Variants in DOP1B observed in about 807,000 individuals in gnomAD.
DOP1B encodes the protein DOP1 leucine zipper like protein B.
DOP1B carries 174 observed loss-of-function variants against 233.5 expected under a neutral mutation model. That is an observed-to-expected ratio of 0.75 (90% CI 0.66 to 0.85). The LOEUF is 0.85. DOP1B is among the 40% of genes least tolerant of loss of function. The pLI is 0.00. For missense variants in DOP1B, 2,652 were observed against 2,846.6 expected, an observed-to-expected ratio of 0.93 and a Z score of 1.56; for synonymous variants, 1,190 against 1,185.6, an observed-to-expected ratio of 1.00 and a Z score of -0.08.
intron 20 of DOP1B, 125 bp from the exon 21 acceptor site, chr21:36,248,255 A>G (rs2123599873): frequency 4.5e-6 from 4 of 879,712 alleles, no homozygotes; most frequent in Non-Finnish European, 6.9e-6. Flanking sequence ...AGACCACCAC[A>G]TGTATGAGTT....
At chr21:36,227,363 C>A (rs139140368) in intron 12 of DOP1B, among the ~76,000 whole-genome samples, 23 of 151,416 alleles carry the variant, frequency 1.5e-4, no homozygotes, top group East Asian at 5.9e-4. Context: ...CTGGCTAACA[C>A]GGTGAAACCC....
chr21:36,177,885 A>T (rs572754578), intron 2 of DOP1B, among the ~76,000 whole-genome samples: 23 of 152,346 alleles, frequency 1.5e-4, no homozygotes, highest in African/African-American at 5.5e-4. Flanking sequence ...GTATTCTGTT[A>T]TAAGCAACAG....
intron 27 of DOP1B, among the ~76,000 whole-genome samples, chr21:36,275,328 A>G (rs757207178): frequency 6.6e-5 from 10 of 152,186 alleles, no homozygotes; most frequent in Admixed American, 3.9e-4. Context: ...GAACATATCT[A>G]TTAAAACAGG....
At chr21:36,162,586 G>A (rs1253470958) in intron 1 of DOP1B, among the ~76,000 whole-genome samples, 4 of 151,998 alleles carry the variant, frequency 2.6e-5, no homozygotes, top group African/African-American at 9.7e-5. Context: ...TGTTACCCAG[G>A]CTGGGGTACA....
At chr21:36,292,064 C>T in intron 35 of DOP1B, 40 bp from the exon 36 acceptor site, 2 of 1,561,490 alleles carry the variant, frequency 1.3e-6, no homozygotes, top group Non-Finnish European at 1.7e-6. Context: ...CGTTGAAGGC[C>T]TCTTACCAGC....
At chr21:36,290,389 C>T (rs1487153394) in intron 35 of DOP1B, among the ~76,000 whole-genome samples, 1 of 151,826 alleles carries the variant, frequency 6.6e-6, no homozygotes, top group Non-Finnish European at 1.5e-5. Context: ...GGCCAGGTAC[C>T]GTGGCTCACA....
rs1414264989 is a variant in DOP1B at position 36,214,153 on chromosome 21, A to AT, written c.984dup (p.Glu329Ter). Reference sequence around the variant, plus strand: ...AATTCTTATGAAGACCAGTCGTCTTATTTTTTTGAAAAATACTCCAAGGAT... The same window carrying AT: ...AATTCTTATGAAGACCAGTCGTCTTATTTTTTTTGAAAAATACTCCAAGGAT... On this transcript the variant is annotated frameshift_variant, in exon 8 of 37. Coordinates refer to ENST00000691173, the MANE Select transcript of DOP1B (RefSeq NM_001320714.2). LOFTEE classifies it high-confidence loss of function. 1.9e-6 allele frequency: 3 copies of AT among 1,613,548 alleles called. No individual in the cohort carries two copies. The highest frequency in any genetic ancestry group is 2.5e-6 in the Non-Finnish European group (3 of 1,179,886).
Position 36,227,688 on chromosome 21 carries a change from A to G in DOP1B, c.1476A>G (p.Glu492=). ...LVFLLDVIPL[E]LYSEVQTQYL... is the part of the protein sequence containing the mutation. ...TAACCTACACGTTTATTTCACAGGA[A>G]CTTTACTCTGAGGTGCAAACCCAGT... Residue 492 remains glutamate, a splice_region_variant and synonymous_variant, in exon 13 of 37, where the codon GAA becomes GAG. Coordinates refer to ENST00000691173, the MANE Select transcript of DOP1B (RefSeq NM_001320714.2). The G allele has an allele frequency of 6.5e-7, 1 of 1,536,692 alleles. No individual in the cohort carries two copies. The highest frequency in any genetic ancestry group is 8.8e-7 in the Non-Finnish European group (1 of 1,133,980).
intron 4 of DOP1B, among the ~76,000 whole-genome samples, chr21:36,203,645 G>GGC (rs141366080): frequency 2.2e-5 from 2 of 91,870 alleles, no homozygotes; most frequent in African/African-American, 1.2e-4. Flanking sequence ...AGGGTGCAGT[G>GGC]GGGGGGGTCA....
chr21:36,241,503 C>CTTTTTTTTTT (rs1165636640), intron 18 of DOP1B, among the ~76,000 whole-genome samples: 2 of 76,472 alleles, frequency 2.6e-5, no homozygotes, highest in African/African-American at 5.6e-5. Flanking sequence ...TTATCTTAAT[C>CTTTTTTTTTT]TTTTTTTTTT....
rs933942782 is a variant in DOP1B, at chr21:36,288,798, G to T, written c.6340G>T (p.Asp2114Tyr). Residue 2114 changes from aspartate to tyrosine, a missense_variant, in exon 34 of 37, where the codon GAT becomes TAT. By Grantham distance (160) the Asp-to-Tyr change is radical. This residue lies in a region of DOP1B where 2,617 missense variants were observed against 2,794.3 expected (regional missense o/e 0.94). Transcript: ENST00000691173. Reference protein sequence around the residue: ...TQLEEDLKDEDESLRSTNKVN... With the variant: ...TQLEEDLKDEYESLRSTNKVN... ...GCTTGAAGAAGATCTAAAAGATGAA[G>T]ATGAGTCATTGAGGTAAGCAGTACA... 1.9e-6 allele frequency: 3 copies of T among 1,613,114 alleles called. No individual in the cohort carries two copies. The East Asian group carries it at 6.7e-5, about 36-fold the overall frequency.
At chr21:36,270,421 TAAGCACC>T (rs2067274555) in intron 27 of DOP1B, among the ~76,000 whole-genome samples, 1 of 151,338 alleles carries the variant, frequency 6.6e-6, no homozygotes, top group African/African-American at 2.4e-5. Flanking sequence ...GGCACAGTGG[TAAGCACC>T]TGTGGTCCCA....
intron 2 of DOP1B, among the ~76,000 whole-genome samples, chr21:36,180,805 C>T (rs1250193351): frequency 6.6e-6 from 1 of 151,732 alleles, no homozygotes; most frequent in Non-Finnish European, 1.5e-5. Context: ...CGCTTGAACC[C>T]ATGAGGCGGA....
At chr21:36,156,981 C>T (rs1389727865) in intron 1 of DOP1B, 38 bp downstream of exon 1, 1 of 152,292 alleles carries the variant, frequency 6.6e-6, no homozygotes, top group Non-Finnish European at 1.5e-5. Context: ...GTCCAGTCCT[C>T]AGCCGCTGGG....
chr21:36,280,823 G>A (rs1446214915), intron 31 of DOP1B, among the ~76,000 whole-genome samples: 1 of 151,974 alleles, frequency 6.6e-6, no homozygotes, highest in African/African-American at 2.4e-5. Flanking sequence ...CTAACACGGT[G>A]AAACCCCGTC....
intron 15 of DOP1B, among the ~76,000 whole-genome samples, chr21:36,233,661 T>C (rs981139013): frequency 6.6e-6 from 1 of 152,202 alleles, no homozygotes; most frequent in Non-Finnish European, 1.5e-5. Flanking sequence ...TTCCTGAATG[T>C]CCTTTGGATA....
At chr21:36,222,240 T>C (rs1267133741) in intron 10 of DOP1B, among the ~76,000 whole-genome samples, 1 of 152,094 alleles carries the variant, frequency 6.6e-6, no homozygotes, top group Non-Finnish European at 1.5e-5. Flanking sequence ...TGTGCAGGGA[T>C]TTCGGTAGGA....
chr21:36,254,733 C>CTCTGCAGATGTTG (rs56167502), intron 23 of DOP1B, among the ~76,000 whole-genome samples: 3 of 151,960 alleles, frequency 2.0e-5, no homozygotes, highest in African/African-American at 7.2e-5. Context: ...TCAGGGGTCT[C>CTCTGCAGATGTTG]GCAGGAACAA....
chr21:36,182,338 C>T (rs922150767), intron 2 of DOP1B, among the ~76,000 whole-genome samples: 2 of 152,038 alleles, frequency 1.3e-5, no homozygotes, highest in Non-Finnish European at 2.9e-5. Context: ...GGGGCCCCAG[C>T]AGTAAATGTT....
Sources: gnomAD v4.1 joint callset for allele counts (sites outside exome capture counted in the v4.1 genomes callset) on GRCh38, gnomAD v4.1.1 for gene constraint, gnomAD v4.1.1 regional missense constraint, MANE v1.5 for transcripts, NCBI Gene and HGNC (gene_info 2026-07-23, HGNC 2026-07-21) for gene names.